MECOM: variants seen among roughly 807,000 people sequenced by gnomAD.
The protein encoded by MECOM is MDS1 and EVI1 complex locus, also known as histone-lysine N-methyltransferase MECOM.
In MECOM, 13 loss-of-function variants were observed where a neutral mutation model predicts 116.3. The observed-to-expected ratio is 0.11, with a 90% confidence interval of 0.07 to 0.18. The LOEUF is 0.18. Ranked by LOEUF, MECOM falls within the 10% of genes least tolerant of loss-of-function variation. The probability of loss-of-function intolerance (pLI) is 1.00; values close to 1 mark genes in which losing one functional copy is unlikely to be tolerated. For missense variants in MECOM, 1,299 were observed against 1,509.0 expected (o/e 0.86, Z 2.31); for synonymous variants, 528 against 535.2 (o/e 0.99, Z 0.19).
intron 1 of MECOM, among the ~76,000 whole-genome samples, chr3:169,631,449 A>T (rs1001792888): frequency 1.2e-4 from 18 of 151,986 alleles, no homozygotes; most frequent in African/African-American, 3.6e-4. Context: ...AAAATAGCAA[A>T]TTTTTTTTAT....
At chr3:169,263,134 T>TG (rs1412109586) in intron 2 of MECOM, among the ~76,000 whole-genome samples, 2 of 118,254 alleles carry the variant, frequency 1.7e-5, no homozygotes, top group African/African-American at 3.5e-5. Flanking sequence ...TATATGTTTT[T>TG]TTTTTTTTTT....
intron 2 of MECOM, among the ~76,000 whole-genome samples, chr3:169,193,085 A>G (rs11929499): frequency 0.084 from 12,810 of 152,042 alleles, 615 homozygotes; most frequent in South Asian, 0.21. Context: ...AGTCTGTAAA[A>G]TAACAGAAGC....
rs1776610168 is a variant in MECOM at position 169,663,516 on chromosome 3, CTCTCTCTCTCT to C, written c.-155_-145del. The C allele has an allele frequency of 3.7e-5, 25 of 678,992 alleles. No individual in the cohort carries two copies. The highest frequency in any genetic ancestry group is 7.9e-4 in the Middle Eastern group (2 of 2,518). The allele number at this position is 678,992 out of a possible 1,614,324, so 42.1% of individuals were successfully genotyped here. On this transcript the variant is annotated 5_prime_UTR_variant, in exon 1 of 17. Transcript: ENST00000651503. Reference sequence around the variant, plus strand: ...TCTCTCTCTCTCTCTCTCTCTCTCTCTCTCTCTCTCTCTCCCTCCCTCCTGTTTCTCTCCTG... The same window carrying C: ...TCTCTCTCTCTCTCTCTCTCTCTCTCCTCCCTCCCTCCTGTTTCTCTCCTG...
intron 1 of MECOM, among the ~76,000 whole-genome samples, chr3:169,638,267 C>G (rs1478536753): frequency 6.6e-6 from 1 of 152,176 alleles, no homozygotes; most frequent in African/African-American, 2.4e-5. Context: ...TACTCACCTT[C>G]CTCTCACTCT....
At chr3:169,313,845 G>A (rs1477743610) in intron 2 of MECOM, among the ~76,000 whole-genome samples, 1 of 152,116 alleles carries the variant, frequency 6.6e-6, no homozygotes, top group Admixed American at 6.5e-5. Flanking sequence ...AGAGAGGTAA[G>A]GATATAAGCA....
intron 2 of MECOM, among the ~76,000 whole-genome samples, chr3:169,317,053 C>T (rs533420907): frequency 9.5e-4 from 145 of 152,108 alleles, no homozygotes; most frequent in Non-Finnish European, 1.5e-3. Context: ...CGTGAGGGAC[C>T]TTACAAAGAG....
chr3:169,638,215 C>T (rs1773047391), intron 1 of MECOM, among the ~76,000 whole-genome samples: 1 of 152,180 alleles, frequency 6.6e-6, no homozygotes, highest in African/African-American at 2.4e-5. Flanking sequence ...ATTAGTACTA[C>T]ATTTCAAATT....
At chr3:169,495,329 G>C (rs1753680379) in intron 1 of MECOM, among the ~76,000 whole-genome samples, 1 of 152,148 alleles carries the variant, frequency 6.6e-6, no homozygotes, top group South Asian at 2.1e-4. Flanking sequence ...TGGAGCAGCA[G>C]ATGGTTCAAT....
At chr3:169,645,513 G>A (rs529343534) in intron 1 of MECOM, among the ~76,000 whole-genome samples, 1 of 152,172 alleles carries the variant, frequency 6.6e-6, no homozygotes, top group Non-Finnish European at 1.5e-5. Flanking sequence ...AAACATTATT[G>A]TCTCCTTAGA....
chr3:169,565,202 C>A (rs1255120407), intron 1 of MECOM, among the ~76,000 whole-genome samples: 4 of 152,142 alleles, frequency 2.6e-5, no homozygotes, highest in African/African-American at 9.7e-5. Flanking sequence ...CAATTCCGAA[C>A]CCTGTGCCTA....
rs74951516 is a variant in MECOM at position 169,279,256 on chromosome 3, T to G, written c.375+101931A>C. ...TCCTGACCCCAAATCTCAATCTTTCTTGAGGTTTGAATCATGCCTTTGTCT... is the reference window on the plus strand; with the variant it reads ...TCCTGACCCCAAATCTCAATCTTTCGTGAGGTTTGAATCATGCCTTTGTCT... On this transcript the variant is annotated intron_variant, in intron 2 of 16. Transcript: ENST00000651503. Among the ~76,000 whole-genome samples the G allele has an allele frequency of 6.3e-3, 962 of 152,290 alleles. 9 individuals carry two copies. The highest frequency in any genetic ancestry group is 0.022 in the African/African-American group (924 of 41,570).
rs183827132 is a variant in MECOM, at chr3:169,654,737, A to T, written c.37+8599T>A. On this transcript the variant is annotated intron_variant, in intron 1 of 16. Coordinates refer to ENST00000651503, the MANE Select transcript of MECOM (RefSeq NM_004991.4). The stretch of plus-strand genomic sequence containing the variant: ...CGGCATGGAGGGAAAGAAAGACACA[A>T]CATAGTTGTAAAAGACTATTTTTCC... Among the ~76,000 whole-genome samples the T allele has an allele frequency of 4.9e-3, 741 of 152,248 alleles. 4 individuals are homozygous for T. The highest frequency in any genetic ancestry group is 8.0e-3 in the Non-Finnish European group (547 of 68,024).
At chr3:169,488,556 A>C (rs1752687604) in intron 1 of MECOM, among the ~76,000 whole-genome samples, 2 of 151,976 alleles carry the variant, frequency 1.3e-5, no homozygotes, top group African/African-American at 4.8e-5. Flanking sequence ...AGAAAATAAA[A>C]AAGTAATAAA....
intron 1 of MECOM, among the ~76,000 whole-genome samples, chr3:169,619,622 G>A (rs1770455966): frequency 6.6e-6 from 1 of 151,750 alleles, no homozygotes; most frequent in Non-Finnish European, 1.5e-5. Context: ...TAACCACACA[G>A]CCCTTACCTT....
intron 1 of MECOM, chr3:169,470,015 T>C (rs1324906669): frequency 6.6e-6 from 1 of 152,182 alleles, no homozygotes; most frequent in Non-Finnish European, 1.5e-5. Context: ...AGGAGTCAAC[T>C]CTTAAATAAA....
intron 1 of MECOM, among the ~76,000 whole-genome samples, chr3:169,444,476 G>T (rs1282830695): frequency 6.6e-6 from 1 of 152,088 alleles, no homozygotes; most frequent in Non-Finnish European, 1.5e-5. Flanking sequence ...TTTATCAGGG[G>T]TTTCCGTTTT....
At chr3:169,126,322 T>C (rs1256772049) in intron 5 of MECOM, among the ~76,000 whole-genome samples, 1 of 152,124 alleles carries the variant, frequency 6.6e-6, no homozygotes, top group Non-Finnish European at 1.5e-5. Context: ...CAATTTTTGC[T>C]TTATAATGCC....
intron 1 of MECOM, among the ~76,000 whole-genome samples, chr3:169,450,774 T>TA (rs1209121263): frequency 1.3e-5 from 2 of 152,104 alleles, no homozygotes; most frequent in African/African-American, 2.4e-5. Flanking sequence ...GAGTTTACCT[T>TA]AAAAAAGTAA....
intron 1 of MECOM, among the ~76,000 whole-genome samples, chr3:169,401,987 A>G (rs1467976748): frequency 1.3e-5 from 2 of 152,204 alleles, no homozygotes; most frequent in African/African-American, 4.8e-5. Flanking sequence ...TTCAAAAAAG[A>G]GGAGAAATTT....
Sources: allele counts gnomAD v4.1 joint callset (sites outside exome capture counted in the v4.1 genomes callset), GRCh38; gene constraint gnomAD v4.1.1; transcripts MANE v1.5; gene names NCBI Gene and HGNC (gene_info 2026-07-23, HGNC 2026-07-21).